PTK2: variants seen among roughly 807,000 people sequenced by gnomAD.
PTK2 encodes focal adhesion kinase 1.
Under a neutral mutation model 150.1 loss-of-function variants are expected in PTK2, and 45 were observed. The ratio of observed to expected loss-of-function variants is 0.30; its 90% CI spans 0.24 to 0.38. The LOEUF is 0.38. Ranked by LOEUF, PTK2 falls within the 10% of genes least tolerant of loss-of-function variation. PTK2 has a pLI of 1.00. For synonymous variants in PTK2, 432 were observed against 449.2 expected, an observed-to-expected ratio of 0.96 and a Z score of 0.48; for missense variants, 919 against 1,307.3, an observed-to-expected ratio of 0.70 and a Z score of 4.58.
At chr8:140,881,346 G>C (rs570265433) in intron 3 of PTK2, among the ~76,000 whole-genome samples, 70 of 152,316 alleles carry the variant, frequency 4.6e-4, no homozygotes, top group African/African-American at 1.6e-3. Flanking sequence ...GACTTCTGCA[G>C]CTTCTTGCCA....
intron 14 of PTK2, among the ~76,000 whole-genome samples, chr8:140,777,504 T>C (rs1274259092): frequency 6.6e-6 from 1 of 152,196 alleles, no homozygotes; most frequent in African/African-American, 2.4e-5. Flanking sequence ...CCTCCAAAAC[T>C]GGGGATTACA....
intron 14 of PTK2, among the ~76,000 whole-genome samples, chr8:140,775,819 T>C (rs568820728): frequency 6.6e-6 from 1 of 152,304 alleles, no homozygotes; most frequent in South Asian, 2.1e-4. Context: ...AATAAATCAG[T>C]CTCCAAAATA....
At position 140,670,488 on chromosome 8, in the gene PTK2, AACACACACACACACACACACAC is replaced by A. The variant is rs57247522; in HGVS notation, c.2710-2086_2710-2065del. Among the ~76,000 whole-genome samples, 277 of 38,978 alleles carry A rather than the reference AACACACACACACACACACACAC, an allele frequency of 7.1e-3. 45 individuals are homozygous for A. The highest frequency in any genetic ancestry group is 0.062 in the East Asian group (80 of 1,284). 25.6% of individuals were successfully genotyped at this position (38,978 alleles called of 152,430 possible). Reference sequence around the variant, plus strand: ...AAAAAAAAAAAAAAAAAAAAACAACAACACACACACACACACACACACACACACACACACACACACACACACA... The same window carrying A: ...AAAAAAAAAAAAAAAAAAAAACAACAACACACACACACACACACACACACA... On this transcript the variant is annotated intron_variant, in intron 29 of 31. Transcript: ENST00000522684.
At chr8:140,989,471 T>C (rs1178666488) in intron 1 of PTK2, among the ~76,000 whole-genome samples, 3 of 150,276 alleles carry the variant, frequency 2.0e-5, no homozygotes, top group Non-Finnish European at 4.4e-5. Flanking sequence ...TGGCAAGATA[T>C]ATAAACCAAC....
At chr8:140,996,861 C>T (rs902114764) in intron 1 of PTK2, among the ~76,000 whole-genome samples, 1 of 152,230 alleles carries the variant, frequency 6.6e-6, no homozygotes, top group Non-Finnish European at 1.5e-5. Context: ...ATCCATTCTA[C>T]AGCCCATAGA....
At chr8:140,977,738 C>A (rs1275559189) in intron 1 of PTK2, among the ~76,000 whole-genome samples, 1 of 151,908 alleles carries the variant, frequency 6.6e-6, no homozygotes, top group Non-Finnish European at 1.5e-5. Flanking sequence ...AATAAAAATA[C>A]TTCACATCAA....
chr8:141,001,240 C>T (rs1247504188), upstream of PTK2: 79 of 144,148 alleles, frequency 5.5e-4, no homozygotes, highest in East Asian at 0.014. Context: ...GGTCCGGGAC[C>T]GGCGGCGGCG....
At chr8:140,960,078 A>G (rs2100182585) in intron 1 of PTK2, among the ~76,000 whole-genome samples, 3 of 151,656 alleles carry the variant, frequency 2.0e-5, no homozygotes, top group Admixed American at 2.0e-4. Flanking sequence ...TCCCTGAGAG[A>G]TACAATTCAC....
In PTK2 at chr8:140,770,709, G is replaced by A; in HGVS notation, c.1178-6419C>T. On this transcript the variant is annotated intron_variant, in intron 14 of 31. Coordinates refer to ENST00000522684, the Ensembl canonical transcript of PTK2. Reference sequence around the variant, plus strand: ...TAGGAGAGCCTGTGCAAATATGAGTGCAGTACCCGTAGAAGGAGGATCATG... The same window carrying A: ...TAGGAGAGCCTGTGCAAATATGAGTACAGTACCCGTAGAAGGAGGATCATG... 7.6e-7 allele frequency: 1 copy of A among 1,309,192 alleles called. No individual in the cohort carries two copies. Among genetic ancestry groups the A allele is most frequent in the East Asian group, 4.0e-5 (1 of 25,072 alleles). 81.1% of individuals were successfully genotyped at this position (1,309,192 alleles called of 1,614,324 possible).
At chr8:140,927,987 T>TATATATATATATATATAC (rs1325688054) in intron 1 of PTK2, among the ~76,000 whole-genome samples, 1 of 118,948 alleles carries the variant, frequency 8.4e-6, no homozygotes, top group Non-Finnish European at 1.7e-5. Flanking sequence ...TATATATATA[T>TATATATATATATATATAC]ATATATGTAT....
Position 140,707,234 on chromosome 8 carries a change from TG to T in PTK2, c.2143-1030del, listed in dbSNP as rs2100034315. Reference sequence around the variant, plus strand: ...TGCTAATGGGTGAAGGATTTCATTTTGGGGGTGATAAAAATGTTATAGGCTG... The same window carrying T: ...TGCTAATGGGTGAAGGATTTCATTTTGGGGTGATAAAAATGTTATAGGCTG... On this transcript the variant is annotated intron_variant, in intron 23 of 31. Coordinates refer to ENST00000522684, the Ensembl canonical transcript of PTK2. Among the ~76,000 whole-genome samples, 3 of 152,066 alleles carry T rather than the reference TG, an allele frequency of 2.0e-5. No individual in the cohort carries two copies. In the South Asian group the frequency reaches 6.2e-4, roughly 32 times the overall value.
intron 27 of PTK2, among the ~76,000 whole-genome samples, chr8:140,684,316 G>A (rs532206825): frequency 4.6e-5 from 7 of 152,288 alleles, no homozygotes; most frequent in South Asian, 2.1e-4. Flanking sequence ...TCTCACATGC[G>A]CAGTTCACAA....
intron 12 of PTK2, among the ~76,000 whole-genome samples, chr8:140,797,110 T>C (rs1389394982): frequency 1.4e-5 from 2 of 145,064 alleles, no homozygotes; most frequent in African/African-American, 5.3e-5. Context: ...TCTGAAAATG[T>C]ACCAATTTAC....
Position 140,867,954 on chromosome 8 carries a change from T to C in PTK2, c.363-3555A>G, listed in dbSNP as rs117835772. On this transcript the variant is annotated intron_variant, in intron 4 of 31. Transcript: ENST00000522684. ...TCTGTTTGCCATTTTAAGAGTCTAG[T>C]TGCATCCTGATACATATTTCCACTT... Among the ~76,000 whole-genome samples the C allele has an allele frequency of 5.9e-4, 90 of 152,322 alleles. No homozygotes were observed. In the East Asian group the frequency reaches 0.014, roughly 24 times the overall value.
intron 26 of PTK2, among the ~76,000 whole-genome samples, chr8:140,687,454 A>G (rs1458337710): frequency 6.6e-6 from 1 of 152,140 alleles, no homozygotes; most frequent in Non-Finnish European, 1.5e-5. Context: ...GTCGCTTCTT[A>G]GCCTGTGCCT....
At chr8:140,853,785 T>C (rs2100130855) in intron 5 of PTK2, among the ~76,000 whole-genome samples, 1 of 152,178 alleles carries the variant, frequency 6.6e-6, no homozygotes, top group Non-Finnish European at 1.5e-5. Flanking sequence ...AACCTTCTAA[T>C]AAGAGAGTTA....
At chr8:140,810,774 G>C (rs1451644839) in intron 10 of PTK2, among the ~76,000 whole-genome samples, 2 of 152,116 alleles carry the variant, frequency 1.3e-5, no homozygotes, top group Non-Finnish European at 2.9e-5. Flanking sequence ...AGCACCCCAT[G>C]CTTATGTCAA....
chr8:140,691,817 T>C (rs2100023373), intron 26 of PTK2, among the ~76,000 whole-genome samples: 1 of 152,212 alleles, frequency 6.6e-6, no homozygotes, highest in South Asian at 2.1e-4. Flanking sequence ...TAGTAAATAT[T>C]TGCTGAAGGA....
chr8:140,678,982 G>T, intron 27 of PTK2, among the ~76,000 whole-genome samples: 1 of 144,890 alleles, frequency 6.9e-6, no homozygotes, highest in South Asian at 2.2e-4. Context: ...GCCAGCTCAC[G>T]GCCAGCTGAG....
Sources: gnomAD v4.1 joint callset for allele counts (sites outside exome capture counted in the v4.1 genomes callset) on GRCh38, gnomAD v4.1.1 for gene constraint, MANE v1.5 for transcripts, NCBI Gene and HGNC (gene_info 2026-07-23, HGNC 2026-07-21) for gene names.